SLC39A11: variants seen among roughly 807,000 people sequenced by gnomAD.
SLC39A11 encodes zinc transporter ZIP11.
SLC39A11 carries 33 observed loss-of-function variants against 36.1 expected under a neutral mutation model. That is an observed-to-expected ratio of 0.91 (90% CI 0.69 to 1.22). The LOEUF (loss-of-function observed/expected upper bound fraction) is 1.22. Among genes scored for constraint, SLC39A11 ranks in the 50% most tolerant of loss-of-function variants. The probability of loss-of-function intolerance (pLI) is 0.00; values close to 1 mark genes in which losing one functional copy is unlikely to be tolerated. For synonymous variants in SLC39A11, 166 were observed against 170.3 expected, an observed-to-expected ratio of 0.97 and a Z score of 0.20; for missense variants, 432 against 430.3, an observed-to-expected ratio of 1.00 and a Z score of -0.03.
intron 3 of SLC39A11, among the ~76,000 whole-genome samples, chr17:73,055,648 G>T (rs1437322021): frequency 6.6e-6 from 1 of 151,922 alleles, no homozygotes; most frequent in Non-Finnish European, 1.5e-5. Context: ...GAGGGGCAGG[G>T]GTGGAGGGGA....
In SLC39A11 at chr17:73,004,232, A is replaced by AAAGAAAGAAAGAAAG; in HGVS notation, c.306+27323_306+27324insCTTTCTTTCTTTCTT. 6.0e-4 allele frequency among the ~76,000 whole-genome samples: 53 copies of AAAGAAAGAAAGAAAG among 88,710 alleles called. 7 individuals are homozygous for AAAGAAAGAAAGAAAG. Among genetic ancestry groups the AAAGAAAGAAAGAAAG allele is most frequent in the African/African-American group, 2.2e-3 (51 of 23,716 alleles). 58.2% of individuals were successfully genotyped at this position (88,710 alleles called of 152,430 possible). ...GAAAGAAAGAAAGAAAGAAAGAAAG[A>AAAGAAAGAAAGAAAG]AAAGAAAGAAAGAGAAAAAGCAAGC... On this transcript the variant is annotated intron_variant, in intron 4 of 9. Coordinates refer to ENST00000255559, the MANE Select transcript of SLC39A11 (RefSeq NM_139177.4).
At chr17:73,038,364 A>G (rs1357333356) in intron 3 of SLC39A11, among the ~76,000 whole-genome samples, 1 of 152,048 alleles carries the variant, frequency 6.6e-6, no homozygotes, top group Non-Finnish European at 1.5e-5. Context: ...CAGAAGTCTC[A>G]ATGCTGAACA....
At chr17:72,954,247 T>C (rs892552988) in intron 4 of SLC39A11, among the ~76,000 whole-genome samples, 2 of 152,232 alleles carry the variant, frequency 1.3e-5, no homozygotes, top group South Asian at 2.1e-4. Flanking sequence ...GGTTTCACCA[T>C]GTTGGCCAGG....
chr17:72,783,340 G>A (rs1046248612), intron 6 of SLC39A11, among the ~76,000 whole-genome samples: 1 of 152,214 alleles, frequency 6.6e-6, no homozygotes, highest in African/African-American at 2.4e-5. Context: ...ACCAGGCAGG[G>A]AGCAGAGTCA....
rs1321563134 is a variant in SLC39A11 at position 72,661,009 on chromosome 17, A to T, written c.672-11741T>A. On this transcript the variant is annotated intron_variant, in intron 7 of 9. Transcript: ENST00000255559. ...TAGCTGGACGACAAAAACTGCTCAGACTGAGTGTGGAGAACACCTGATCTC... is the reference window on the plus strand; with the variant it reads ...TAGCTGGACGACAAAAACTGCTCAGTCTGAGTGTGGAGAACACCTGATCTC... Among the ~76,000 whole-genome samples the T allele has an allele frequency of 2.6e-5, 4 of 152,334 alleles. No homozygotes were observed. In the East Asian group the frequency reaches 5.8e-4, roughly 22 times the overall value.
chr17:73,056,071 G>T (rs2059656137), intron 3 of SLC39A11, among the ~76,000 whole-genome samples: 1 of 152,296 alleles, frequency 6.6e-6, no homozygotes, highest in Non-Finnish European at 1.5e-5. Context: ...AAGGCCCCTG[G>T]AGGGCACAGG....
intron 5 of SLC39A11, among the ~76,000 whole-genome samples, chr17:72,859,077 T>C (rs2079814700): frequency 6.6e-6 from 1 of 152,208 alleles, no homozygotes; most frequent in Non-Finnish European, 1.5e-5. Flanking sequence ...TTGCTCTGGT[T>C]TCCAAGGGAA....
chr17:72,653,692 G>T (rs1402418646), intron 7 of SLC39A11, among the ~76,000 whole-genome samples: 1 of 152,072 alleles, frequency 6.6e-6, no homozygotes, highest in Non-Finnish European at 1.5e-5. Context: ...TGCTCGACTC[G>T]GCCTCCCAAA....
chr17:72,891,912 A>T (rs1186432113), intron 5 of SLC39A11, among the ~76,000 whole-genome samples: 1 of 152,140 alleles, frequency 6.6e-6, no homozygotes, highest in Non-Finnish European at 1.5e-5. Flanking sequence ...AGCCTGGGGC[A>T]TTACTGTTCT....
chr17:72,823,207 G>C lies in SLC39A11; in HGVS notation c.601+26427C>G, dbSNP rs189298960. On this transcript the variant is annotated intron_variant, in intron 6 of 9. Transcript: ENST00000255559. Reference sequence around the variant, plus strand: ...TGAAAACTACTTTCATTGCAATCAGGGTTAAAGAGAAGTCCTTCTAGGTCA... The same window carrying C: ...TGAAAACTACTTTCATTGCAATCAGCGTTAAAGAGAAGTCCTTCTAGGTCA... 3.2e-4 allele frequency among the ~76,000 whole-genome samples: 49 copies of C among 151,258 alleles called. 1 individual carries two copies. The highest frequency in any genetic ancestry group is 3.4e-3 in the Middle Eastern group (1 of 294).
chr17:72,782,423 C>A (rs73353000), intron 6 of SLC39A11, among the ~76,000 whole-genome samples: 1 of 151,968 alleles, frequency 6.6e-6, no homozygotes. Context: ...ACAGGAGCTG[C>A]GGGAAACTGA....
At chr17:72,993,028 A>G (rs1011974723) in intron 4 of SLC39A11, 1 of 152,202 alleles carries the variant, frequency 6.6e-6, no homozygotes, top group Admixed American at 6.5e-5. Flanking sequence ...CTTATTCACT[A>G]TCATGAGAAC....
intron 6 of SLC39A11, among the ~76,000 whole-genome samples, chr17:72,767,373 C>T (rs1447742494): frequency 1.3e-5 from 2 of 152,180 alleles, no homozygotes; most frequent in Non-Finnish European, 2.9e-5. Flanking sequence ...CAGTGCTGGG[C>T]ACCTTCCTTT....
At chr17:72,723,041 C>T (rs1598451182) in intron 7 of SLC39A11, among the ~76,000 whole-genome samples, 1 of 152,138 alleles carries the variant, frequency 6.6e-6, no homozygotes, top group Non-Finnish European at 1.5e-5. Context: ...TAAAGGGTGG[C>T]CGTCGTTTGT....
intron 6 of SLC39A11, among the ~76,000 whole-genome samples, chr17:72,798,637 G>C (rs561338263): frequency 6.6e-6 from 1 of 151,820 alleles, no homozygotes; most frequent in East Asian, 1.9e-4. Context: ...CACCCACCTT[G>C]GTCTCCCAAA....
intron 5 of SLC39A11, among the ~76,000 whole-genome samples, chr17:72,922,416 G>T (rs1224135604): frequency 6.6e-6 from 1 of 152,208 alleles, no homozygotes; most frequent in African/African-American, 2.4e-5. Flanking sequence ...ATGATTCCTT[G>T]TCAATGTTAA....
intron 1 of SLC39A11, among the ~76,000 whole-genome samples, chr17:73,091,225 C>T (rs2060912387): frequency 2.0e-5 from 3 of 152,212 alleles, no homozygotes; most frequent in Middle Eastern, 3.4e-3. Context: ...GTCAGGAGTT[C>T]GAGACCAGCC....
At chr17:72,979,358 C>CTAGAT (rs200808201) in intron 4 of SLC39A11, among the ~76,000 whole-genome samples, 1 of 151,976 alleles carries the variant, frequency 6.6e-6, no homozygotes, top group African/African-American at 2.4e-5. Context: ...TGAAAACAGA[C>CTAGAT]TAATACAGGG....
intron 6 of SLC39A11, among the ~76,000 whole-genome samples, chr17:72,810,994 C>A (rs144513071): frequency 6.6e-6 from 1 of 151,046 alleles, no homozygotes; most frequent in Non-Finnish European, 1.5e-5. Context: ...ATGCCTGGCC[C>A]GTAAAAATTC....
Sources: gnomAD v4.1 joint callset for allele counts (sites outside exome capture counted in the v4.1 genomes callset) on GRCh38, gnomAD v4.1.1 for gene constraint, MANE v1.5 for transcripts, NCBI Gene and HGNC (gene_info 2026-07-23, HGNC 2026-07-21) for gene names.